Variants in AHCYL1 observed in about 807,000 individuals in gnomAD.
The protein encoded by AHCYL1 is S-adenosylhomocysteine hydrolase-like protein 1.
Under a neutral mutation model 79.3 loss-of-function variants are expected in AHCYL1, and 20 were observed. The observed-to-expected ratio is 0.25, with a 90% CI of 0.18 to 0.37. The LOEUF is 0.37. Ranked by LOEUF, AHCYL1 falls within the 10% of genes least tolerant of loss-of-function variation. AHCYL1 has a pLI of 1.00. For missense variants in AHCYL1, 330 were observed against 673.6 expected (o/e 0.49, Z 5.65); for synonymous variants, 223 against 242.2 (o/e 0.92, Z 0.74).
At position 109,984,927 on chromosome 1, in the gene AHCYL1, GA is replaced by G; in HGVS notation, c.-125del. On this transcript the variant is annotated 5_prime_UTR_variant, in exon 1 of 17. Coordinates refer to ENST00000369799, the MANE Select transcript of AHCYL1 (RefSeq NM_006621.7). Reference sequence around the variant, plus strand: ...AGCACCTCAGAAGCCGACGCAGCTCGACGCAGGGGCCGGCAGGAGGGTGGGC... The same window carrying G: ...AGCACCTCAGAAGCCGACGCAGCTCGCGCAGGGGCCGGCAGGAGGGTGGGC... 3 of 1,313,354 alleles carry G rather than the reference GA, an allele frequency of 2.3e-6. No individual in the cohort carries two copies. Among genetic ancestry groups the G allele is most frequent in the Non-Finnish European group, 2.9e-6 (3 of 1,030,414 alleles). The allele number at this position is 1,313,354 out of a possible 1,614,324, so 81.4% of individuals were successfully genotyped here.
At chr1:109,985,382 C>T (rs1054294247) in intron 1 of AHCYL1, 9 of 1,302,476 alleles carry the variant, frequency 6.9e-6, no homozygotes, top group Non-Finnish European at 8.8e-6. Flanking sequence ...GGCCCAAGTC[C>T]TCCGGGATCG....
intron 7 of AHCYL1, among the ~76,000 whole-genome samples, 196 bp from the exon 8 acceptor site, chr1:110,016,148 G>T (rs1040584964): frequency 6.6e-6 from 1 of 152,078 alleles, no homozygotes; most frequent in African/African-American, 2.4e-5. Context: ...CAAAAAAGGG[G>T]TAAAGGGAGA....
rs1302383444 is a variant in AHCYL1 at position 110,008,286 on chromosome 1, C to T, written c.121-748C>T. ...CTACCCAAAGTGTTGGGATTACAGG[C>T]GTGAGCCACTGTACCTGGCCCATTT... is the stretch of plus-strand genomic sequence containing the variant. On this transcript the variant is annotated intron_variant, in intron 1 of 16. Transcript: ENST00000369799. 2.0e-5 allele frequency among the ~76,000 whole-genome samples: 3 copies of T among 152,206 alleles called. No homozygotes were observed. The South Asian group carries it at 6.2e-4, about 32-fold the overall frequency.
At chr1:109,999,178 G>T (rs971407474) in intron 1 of AHCYL1, among the ~76,000 whole-genome samples, 1 of 151,834 alleles carries the variant, frequency 6.6e-6, no homozygotes, top group Non-Finnish European at 1.5e-5. Context: ...AAGTATTCAA[G>T]GTGTACAGTG....
chr1:109,990,034 T>C (rs1649671617), intron 1 of AHCYL1, among the ~76,000 whole-genome samples: 2 of 152,234 alleles, frequency 1.3e-5, no homozygotes, highest in Non-Finnish European at 2.9e-5. Flanking sequence ...GCAGTTGCCT[T>C]TCCTTTTCTG....
chr1:109,989,526 G>A (rs1649646881), intron 1 of AHCYL1, among the ~76,000 whole-genome samples: 1 of 152,068 alleles, frequency 6.6e-6, no homozygotes, highest in African/African-American at 2.4e-5. Flanking sequence ...CCCCAATATA[G>A]TATTCTTGGA....
chr1:110,012,229 A>G, intron 3 of AHCYL1, 133 bp from the exon 4 acceptor site: 3 of 660,062 alleles, frequency 4.5e-6, no homozygotes, highest in South Asian at 2.3e-5. Flanking sequence ...TGAAGCTGCC[A>G]GTCGTCATGG....
chr1:110,013,102 G>T (rs1651159098), intron 5 of AHCYL1, 103 bp downstream of exon 5: 2 of 810,458 alleles, frequency 2.5e-6, no homozygotes, highest in African/African-American at 3.5e-5. Context: ...ATGTCTAGAG[G>T]CTATAAAATT....
Position 110,014,777 on chromosome 1 carries a change from G to T in AHCYL1, c.595G>T (p.Ala199Ser), listed in dbSNP as rs1240547390. The change falls in exon 6 of 17, where the codon GCT (alanine) becomes TCT (serine). Residue 199 changes from alanine (A) to serine (S), a missense_variant. Transcript: ENST00000369799. ...ALAEAGVAVF[A>S]WKGESEDDFW... is the part of the protein sequence containing the mutation. ...TGTCTCTACAGGAGTTGCAGTGTTC[G>T]CTTGGAAGGGCGAGTCAGAAGATGA... 6.2e-7 allele frequency: 1 copy of T among 1,614,134 alleles called. No homozygotes were observed.
At chr1:109,990,317 T>A (rs922776934) in intron 1 of AHCYL1, among the ~76,000 whole-genome samples, 1 of 152,160 alleles carries the variant, frequency 6.6e-6, no homozygotes, top group Non-Finnish European at 1.5e-5. Flanking sequence ...GGTTAGCATT[T>A]AGTAAATAGT....
At chr1:110,016,813 A>G in intron 9 of AHCYL1, 83 bp downstream of exon 9, 1 of 1,511,216 alleles carries the variant, frequency 6.6e-7, no homozygotes, top group Non-Finnish European at 9.1e-7. Context: ...CTGTCAATCT[A>G]GAGTCACTGA....
rs1296798080 is a variant in AHCYL1 at position 110,022,668 on chromosome 1, C to T, written c.*988C>T. The T allele has an allele frequency of 1.3e-5, 2 of 152,582 alleles. No homozygotes were observed. The highest frequency in any genetic ancestry group is 2.4e-5 in the African/African-American group (1 of 41,434). The allele number at this position is 152,582 out of a possible 1,614,324, so 9.5% of individuals were successfully genotyped here. ...CTCAGTATAAAGCACTGAGTTCTAT[C>T]TTTAGGATTTATCTTTAAGAGCAAA... On this transcript the variant is annotated 3_prime_UTR_variant, in exon 17 of 17. Transcript: ENST00000369799.
In AHCYL1 at chr1:109,985,178, G is replaced by T. The variant is rs371518956; in HGVS notation, c.120+6G>T. 2.0e-4 allele frequency: 321 copies of T among 1,606,594 alleles called. No homozygotes were observed. Among genetic ancestry groups the T allele is most frequent in the Non-Finnish European group, 2.5e-4 (289 of 1,177,014 alleles). ...TCACCAAGGCGCCCAAGAAGGTGCG[G>T]GGGCTCTGGGTGGCGGCGGGGGCTC... On this transcript the variant is annotated splice_donor_region_variant and intron_variant, in intron 1 of 16. Transcript: ENST00000369799.
At chr1:110,018,792 C>G in intron 13 of AHCYL1, 142 bp downstream of exon 13, 1 of 906,106 alleles carries the variant, frequency 1.1e-6, no homozygotes, top group Admixed American at 2.7e-5. Flanking sequence ...AAATTGGTCC[C>G]CAAAATAAAA....
In AHCYL1 at chr1:110,018,000, C is replaced by A; in HGVS notation, c.1107C>A (p.Val369=). 6.2e-7 allele frequency: 1 copy of A among 1,614,114 alleles called. No homozygotes were observed. Among genetic ancestry groups the A allele is most frequent in the South Asian group, 1.1e-5 (1 of 91,062 alleles). The part of the protein sequence containing the change: ...KLNEVIRQVD[V]VITCTGNKNV... ...ATGAAGTCATCCGGCAAGTCGATGT[C>A]GTAATAACTTGCACAGGTAAATAAC... Residue 369 remains valine (V), a synonymous_variant, in exon 11 of 17, where the codon GTC becomes GTA. Transcript: ENST00000369799.
intron 8 of AHCYL1, 83 bp from the exon 9 acceptor site, chr1:110,016,584 A>G (rs1335891400): frequency 2.5e-6 from 4 of 1,586,674 alleles, no homozygotes; most frequent in South Asian, 1.1e-5. Flanking sequence ...TCTCATGGGC[A>G]TTGGCCCACA....
chr1:109,996,297 A>G (rs144978301), intron 1 of AHCYL1, among the ~76,000 whole-genome samples: 12 of 152,320 alleles, frequency 7.9e-5, no homozygotes, highest in Non-Finnish European at 1.5e-5. Context: ...CCTCATGTGA[A>G]AGGTCCTGAA....
Position 110,011,254 on chromosome 1 carries a change from C to T in AHCYL1, c.273C>T (p.Pro91=). 2 of 1,614,046 alleles carry T rather than the reference C, an allele frequency of 1.2e-6. No homozygotes were observed. Among genetic ancestry groups the T allele is most frequent in the South Asian group, 2.2e-5 (2 of 91,066 alleles). ...YTDSSDDEVS[P]REKQQTNSKG... is the part of the protein sequence containing the mutation. ...ATAGCTCTGATGATGAGGTTTCTCCCCGAGAGAAGCAGCAAACCAACTCCA... is the reference window on the plus strand; with the variant it reads ...ATAGCTCTGATGATGAGGTTTCTCCTCGAGAGAAGCAGCAAACCAACTCCA... The change falls in exon 3 of 17, where the codon CCC becomes CCT. Residue 91 remains proline, a synonymous_variant. Coordinates refer to ENST00000369799, the MANE Select transcript of AHCYL1 (RefSeq NM_006621.7).
In AHCYL1 at chr1:110,011,367, G is replaced by A; in HGVS notation, c.376+10G>A. 6.2e-7 allele frequency: 1 copy of A among 1,613,676 alleles called. No individual in the cohort carries two copies. Among genetic ancestry groups the A allele is most frequent in the Non-Finnish European group, 8.5e-7 (1 of 1,179,816 alleles). On this transcript the variant is annotated intron_variant, in intron 3 of 16. Transcript: ENST00000369799. ...GAGATTGCAGAGCAAGGTAAAGAAA[G>A]GGAGTGGGTTAGGGGACCAGAAACA... is the stretch of plus-strand genomic sequence containing the variant.
Sources: gnomAD v4.1 joint callset for allele counts (sites outside exome capture counted in the v4.1 genomes callset) on GRCh38, gnomAD v4.1.1 for gene constraint, MANE v1.5 for transcripts, NCBI Gene and HGNC (gene_info 2026-07-23, HGNC 2026-07-21) for gene names.